ADAM20: variants seen among roughly 807,000 people sequenced by gnomAD.
The protein encoded by ADAM20 is ADAM metallopeptidase domain 20, also known as disintegrin and metalloproteinase domain-containing protein 20.
For missense variants in ADAM20, 871 were observed against 883.2 expected (o/e 0.99, Z 0.18); for synonymous variants, 305 against 310.2 (o/e 0.98, Z 0.18).
intron 1 of ADAM20, among the ~76,000 whole-genome samples, chr14:70,529,608 C>T (rs1883666778): frequency 6.6e-6 from 1 of 152,092 alleles, no homozygotes; most frequent in Non-Finnish European, 1.5e-5. Flanking sequence ...AACTGGAATA[C>T]AATGGTAAGT....
At chr14:70,577,612 A>G in the ADAM20 span, among the ~76,000 whole-genome samples, 11 of 152,106 alleles carry the variant, frequency 7.2e-5, no homozygotes, top group African/African-American at 2.7e-4. Context: ...GAAACATAAC[A>G]AAATTGGAGT....
At position 70,524,638 on chromosome 14, in the gene ADAM20, T is replaced by C. The variant is rs761900874; in HGVS notation, c.120A>G (p.Pro40=). Residue 40 remains proline, a synonymous_variant, in exon 2 of 2, where the codon CCA becomes CCG. Transcript: ENST00000256389. ...QARPSQYFTS[P]EVVIPLKVIS... is the part of the protein sequence containing the mutation. ...TCACCTTCAAAGGGATCACCACTTC[T>C]GGAGAAGTGAAATACTGGGAGGGCC... 10 of 1,613,866 alleles carry C rather than the reference T, an allele frequency of 6.2e-6. No homozygotes were observed. The Admixed American group carries it at 1.3e-4, about 22-fold the overall frequency.
the ADAM20 span, among the ~76,000 whole-genome samples, chr14:70,570,305 A>G: frequency 6.6e-6 from 1 of 152,272 alleles, no homozygotes; most frequent in East Asian, 1.9e-4. Context: ...TGAAACTGAG[A>G]CCAAAACAAC....
In ADAM20 at chr14:70,534,877, G is replaced by C. The variant is rs1046198892; in HGVS notation, c.-257C>G. 6.6e-6 allele frequency: 1 copy of C among 151,964 alleles called. No homozygotes were observed. Among genetic ancestry groups the C allele is most frequent in the Non-Finnish European group, 1.5e-5 (1 of 67,992 alleles). 9.4% of individuals were successfully genotyped at this position (151,964 alleles called of 1,614,324 possible). A position where few individuals can be genotyped will look rare whatever the true frequency, so the allele number is the denominator to read the frequency against. On this transcript the variant is annotated 5_prime_UTR_variant, in exon 1 of 2. Transcript: ENST00000256389. ...AATTTTTCCTATATTAATTTTCCTT[G>C]GTGTGTTTTTCTTTTTTGGACAGGA...
At chr14:70,558,758 C>T in the ADAM20 span, among the ~76,000 whole-genome samples, 2 of 152,116 alleles carry the variant, frequency 1.3e-5, no homozygotes, top group Admixed American at 6.5e-5. Flanking sequence ...AAAACATTTG[C>T]CAAATAAACA....
chr14:70,538,023 TCTTCCTTCAAAACTC>T (rs1883870871), upstream of ADAM20, among the ~76,000 whole-genome samples: 1 of 151,992 alleles, frequency 6.6e-6, no homozygotes, highest in Admixed American at 6.6e-5. Flanking sequence ...CTCCAAAACT[TCTTCCTTCAAAACTC>T]CTTCCTCCGA....
chr14:70,573,481 C>T, the ADAM20 span, among the ~76,000 whole-genome samples: 2,346 of 152,170 alleles, frequency 0.015, 56 homozygotes, highest in African/African-American at 0.048. Flanking sequence ...TTGGGTACTA[C>T]GTTTATTATT....
At chr14:70,535,905 A>C (rs920417400), upstream of ADAM20, among the ~76,000 whole-genome samples, 3 of 152,242 alleles carry the variant, frequency 2.0e-5, no homozygotes, top group Non-Finnish European at 4.4e-5. Context: ...TATATAAACG[A>C]AATTGTAAGA....
At chr14:70,570,506 A>C in the ADAM20 span, among the ~76,000 whole-genome samples, 7 of 152,242 alleles carry the variant, frequency 4.6e-5, no homozygotes, top group Non-Finnish European at 7.3e-5. Context: ...CTATGCACAC[A>C]AACTAGGAAA....
chr14:70,523,063 C>A lies in ADAM20; in HGVS notation c.1695G>T (p.Gln565His), dbSNP rs764297068. 2 of 1,613,988 alleles carry A rather than the reference C, an allele frequency of 1.2e-6. No individual in the cohort carries two copies. Among genetic ancestry groups the A allele is most frequent in the South Asian group, 1.1e-5 (1 of 91,078 alleles). ...TGGGAATTACTCCCACATTTTCACA[C>A]TGAACCCTCCCACACATGATATCAG... is the stretch of plus-strand genomic sequence containing the variant. ...WTPDIMCGRV[Q>H]CENVGVIPNL... The change falls in exon 2 of 2, where the codon CAG (glutamine) becomes CAT (histidine). Residue 565 changes from glutamine (Q) to histidine (H), a missense_variant. Coordinates refer to ENST00000256389, the MANE Select transcript of ADAM20 (RefSeq NM_003814.5).
chr14:70,577,159 AAAG>A, the ADAM20 span, among the ~76,000 whole-genome samples: 13 of 152,232 alleles, frequency 8.5e-5, no homozygotes, highest in Non-Finnish European at 1.6e-4. Flanking sequence ...CCAAAATAAA[AAAG>A]AACTTACAGG....
chr14:70,579,366 A>G, the ADAM20 span, among the ~76,000 whole-genome samples: 2 of 152,230 alleles, frequency 1.3e-5, no homozygotes, highest in African/African-American at 4.8e-5. Flanking sequence ...CTTTTTAATA[A>G]TAGCCATCCT....
upstream of ADAM20, among the ~76,000 whole-genome samples, chr14:70,539,615 A>C (rs1449907242): frequency 6.6e-6 from 1 of 152,322 alleles, no homozygotes; most frequent in East Asian, 1.9e-4. Context: ...CTTTTGCTGC[A>C]ACTGTTACTG....
the ADAM20 span, among the ~76,000 whole-genome samples, chr14:70,574,612 C>G: frequency 6.6e-6 from 1 of 151,618 alleles, no homozygotes. Flanking sequence ...TGCACTCCAG[C>G]CTGGGGGACA....
In ADAM20 at chr14:70,524,631, C is replaced by A; in HGVS notation, c.127G>T (p.Val43Leu). 4 of 1,613,996 alleles carry A rather than the reference C, an allele frequency of 2.5e-6. No homozygotes were observed. Among genetic ancestry groups the A allele is most frequent in the Non-Finnish European group, 3.4e-6 (4 of 1,179,948 alleles). Reference sequence around the variant, plus strand: ...CTGCTGATCACCTTCAAAGGGATCACCACTTCTGGAGAAGTGAAATACTGG... The same window carrying A: ...CTGCTGATCACCTTCAAAGGGATCAACACTTCTGGAGAAGTGAAATACTGG... ...PSQYFTSPEV[V>L]IPLKVISRGR... Residue 43 changes from valine (V) to leucine (L), a missense_variant, in exon 2 of 2, where the codon GTG becomes TTG. By Grantham distance (32) the Val-to-Leu change is conservative (BLOSUM62 1). Coordinates refer to ENST00000256389, the MANE Select transcript of ADAM20 (RefSeq NM_003814.5).
At position 70,522,516 on chromosome 14, in the gene ADAM20, TA is replaced by T. The variant is rs879137776; in HGVS notation, c.*60del. 5.0e-4 allele frequency: 706 copies of T among 1,411,148 alleles called. 1 individual carries two copies. Among genetic ancestry groups the T allele is most frequent in the South Asian group, 3.8e-3 (251 of 65,660 alleles). The allele number at this position is 1,411,148 out of a possible 1,614,324, so 87.4% of individuals were successfully genotyped here. On this transcript the variant is annotated 3_prime_UTR_variant, in exon 2 of 2. Transcript: ENST00000256389. ...GAGACATGGCTTCATATTTTTCTAT[TA>T]AAAAATTGGATATTAAAAATGAAGT...
At chr14:70,533,392 C>T (rs1883755655) in intron 1 of ADAM20, among the ~76,000 whole-genome samples, 1 of 152,160 alleles carries the variant, frequency 6.6e-6, no homozygotes, top group African/African-American at 2.4e-5. Flanking sequence ...AAATGTGGCA[C>T]ATACATACCA....
the ADAM20 span, among the ~76,000 whole-genome samples, chr14:70,575,619 A>C: frequency 4.6e-5 from 7 of 152,222 alleles, no homozygotes; most frequent in Non-Finnish European, 7.3e-5. Context: ...AAGTTGTAAA[A>C]TTTTGTTTAA....
the ADAM20 span, among the ~76,000 whole-genome samples, chr14:70,542,570 A>G: frequency 2.9e-4 from 44 of 152,324 alleles, no homozygotes; most frequent in African/African-American, 1.1e-3. Context: ...GATGGTACAA[A>G]TCCATGGCTG....
Sources: allele counts gnomAD v4.1 joint callset (sites outside exome capture counted in the v4.1 genomes callset), GRCh38; gene constraint gnomAD v4.1.1; transcripts MANE v1.5; gene names NCBI Gene and HGNC (gene_info 2026-07-23, HGNC 2026-07-21).